PRKN: variants seen among roughly 807,000 people sequenced by gnomAD.
PRKN encodes parkin RBR E3 ubiquitin protein ligase, also known as E3 ubiquitin-protein ligase parkin.
A neutral mutation model predicts 59.5 loss-of-function variants in PRKN; 56 were observed. That is an observed-to-expected ratio of 0.94 (90% confidence interval 0.76 to 1.18). The LOEUF (loss-of-function observed/expected upper bound fraction) is 1.18, where lower values mean the gene tolerates loss of function less well. PRKN is among the 50% of genes most tolerant of loss of function. The pLI is 0.00. For synonymous variants in PRKN, 250 were observed against 222.1 expected, an observed-to-expected ratio of 1.13 and a Z score of -1.12; for missense variants, 657 against 596.4, an observed-to-expected ratio of 1.10 and a Z score of -1.06.
At chr6:162,457,636 C>T (rs1393600656) in intron 1 of PRKN, among the ~76,000 whole-genome samples, 1 of 149,440 alleles carries the variant, frequency 6.7e-6, no homozygotes, top group Non-Finnish European at 1.5e-5. Context: ...AAATCCCAAA[C>T]TTAAGAGTCA....
chr6:161,750,142 C>CACACACACATATAT (rs765990689), intron 7 of PRKN, among the ~76,000 whole-genome samples: 7 of 136,976 alleles, frequency 5.1e-5, no homozygotes, highest in African/African-American at 1.6e-4. Context: ...CACACACACA[C>CACACACACATATAT]ATATATAAAT....
chr6:162,483,020 T>C (rs990510496), intron 1 of PRKN, among the ~76,000 whole-genome samples: 3 of 152,202 alleles, frequency 2.0e-5, no homozygotes, highest in Non-Finnish European at 4.4e-5. Context: ...AATGACTCTA[T>C]GATTATACTA....
chr6:162,395,443 A>C (rs903322168), intron 2 of PRKN, among the ~76,000 whole-genome samples: 1 of 152,176 alleles, frequency 6.6e-6, no homozygotes, highest in Non-Finnish European at 1.5e-5. Flanking sequence ...CACAGTGCCA[A>C]CCACATTGGA....
At chr6:162,400,457 C>CAAAAAAAAAAAAAAAAAAA (rs3081908) in intron 2 of PRKN, among the ~76,000 whole-genome samples, 3 of 98,698 alleles carry the variant, frequency 3.0e-5, no homozygotes, top group Non-Finnish European at 3.9e-5. Context: ...ATGTAAATAT[C>CAAAAAAAAAAAAAAAAAAA]AAAAAAAAAA....
At chr6:162,057,902 T>G (rs926073462) in intron 4 of PRKN, among the ~76,000 whole-genome samples, 1 of 152,234 alleles carries the variant, frequency 6.6e-6, no homozygotes, top group South Asian at 2.1e-4. Flanking sequence ...TATTTTATTA[T>G]ATTGAATTCC....
intron 1 of PRKN, among the ~76,000 whole-genome samples, chr6:162,488,937 A>G (rs181054204): frequency 6.4e-4 from 98 of 152,258 alleles, no homozygotes; most frequent in African/African-American, 2.1e-3. Context: ...GAAGGGGGTA[A>G]AGGTGTTCCT....
intron 6 of PRKN, among the ~76,000 whole-genome samples, chr6:161,897,075 A>G (rs938778091): frequency 6.6e-6 from 1 of 152,170 alleles, no homozygotes; most frequent in African/African-American, 2.4e-5. Context: ...TCTCTTCTAC[A>G]TGTTGGACAC....
At chr6:161,877,697 T>G (rs1048824085) in intron 6 of PRKN, among the ~76,000 whole-genome samples, 2 of 152,020 alleles carry the variant, frequency 1.3e-5, no homozygotes, top group African/African-American at 2.4e-5. Flanking sequence ...CTTGATCTAC[T>G]GACCTCATGA....
At position 161,480,156 on chromosome 6, in the gene PRKN, T is replaced by C. The variant is rs1791319761; in HGVS notation, c.1083+68698A>G. On this transcript the variant is annotated intron_variant, in intron 9 of 11. Transcript: ENST00000366898. This position sits in a 1 kb window ranked among gnomAD's most constrained non-coding sequence, Gnocchi z 4.1. ...GTGAAGCCACTGAGATTTTGGAGTA[T>C]TTATTATCACTGCAGCGTTTCCTAT... Among the ~76,000 whole-genome samples, 1 of 152,204 alleles carries C rather than the reference T, an allele frequency of 6.6e-6. No individual in the cohort carries two copies. The highest frequency in any genetic ancestry group is 1.5e-5 in the Non-Finnish European group (1 of 68,042).
chr6:162,263,324 A>G (rs1379127760), intron 2 of PRKN: 1 of 187,744 alleles, frequency 5.3e-6, no homozygotes, highest in African/African-American at 2.4e-5. Flanking sequence ...AAAAGTACAG[A>G]AAGTGAGTTA....
At chr6:162,405,029 A>G (rs1562738468) in intron 2 of PRKN, among the ~76,000 whole-genome samples, 1 of 152,158 alleles carries the variant, frequency 6.6e-6, no homozygotes, top group Non-Finnish European at 1.5e-5. Context: ...GGATTGGATG[A>G]GCAAAAATGT....
intron 10 of PRKN, among the ~76,000 whole-genome samples, chr6:161,364,774 G>T (rs1231587024): frequency 6.6e-6 from 1 of 151,876 alleles, no homozygotes; most frequent in East Asian, 1.9e-4. Context: ...CAGCGAAACC[G>T]TCTCTACTAA....
intron 5 of PRKN, among the ~76,000 whole-genome samples, chr6:162,048,476 T>A (rs1232121777): frequency 6.6e-6 from 1 of 151,976 alleles, no homozygotes; most frequent in East Asian, 1.9e-4. Flanking sequence ...GACCTCAGTG[T>A]TACGAGTTAG....
intron 5 of PRKN, among the ~76,000 whole-genome samples, chr6:162,041,651 T>C (rs1280992079): frequency 6.6e-6 from 1 of 152,174 alleles, no homozygotes; most frequent in Non-Finnish European, 1.5e-5. Context: ...TTGTGATCAC[T>C]GGGAAGAAAA....
chr6:162,688,101 T>A (rs1241842461), intron 1 of PRKN, among the ~76,000 whole-genome samples: 1 of 152,204 alleles, frequency 6.6e-6, no homozygotes, highest in Non-Finnish European at 1.5e-5. Context: ...AGCCTGAATT[T>A]GAAATCAAGT....
chr6:162,450,517 T>A (rs977061986), intron 1 of PRKN, among the ~76,000 whole-genome samples: 1 of 152,126 alleles, frequency 6.6e-6, no homozygotes, highest in Admixed American at 6.5e-5. Flanking sequence ...AGCCAGGTGA[T>A]CAAGGTCAAC....
At chr6:162,002,581 ATT>A (rs140082922) in intron 5 of PRKN, among the ~76,000 whole-genome samples, 102,970 of 149,534 alleles carry the variant, frequency 0.69, 35,661 homozygotes, top group African/African-American at 0.75. Flanking sequence ...TCAAATAACC[ATT>A]TTTTTTTTTG....
At chr6:161,573,755 A>AAAAT (rs1781013640) in intron 7 of PRKN, among the ~76,000 whole-genome samples, 1 of 30,356 alleles carries the variant, frequency 3.3e-5, no homozygotes, top group Non-Finnish European at 5.4e-5. Context: ...AAAAAAAAAA[A>AAAAT]ATATATATAT....
chr6:161,682,699 C>T (rs189184868), intron 7 of PRKN, among the ~76,000 whole-genome samples: 12 of 152,260 alleles, frequency 7.9e-5, no homozygotes, highest in Middle Eastern at 3.4e-3. Context: ...GCCTTTCATT[C>T]GGAAACACTT....
Sources: allele counts gnomAD v4.1 joint callset (sites outside exome capture counted in the v4.1 genomes callset), GRCh38; gene constraint gnomAD v4.1.1; non-coding constraint Gnocchi (gnomAD v3.1); transcripts MANE v1.5; gene names NCBI Gene and HGNC (gene_info 2026-07-23, HGNC 2026-07-21).